FANCC: variants seen among roughly 807,000 people sequenced by gnomAD.
The protein encoded by FANCC is FA complementation group C.
A neutral mutation model predicts 71.3 loss-of-function variants in FANCC; 55 were observed. The ratio of observed to expected loss-of-function variants is 0.77; its 90% CI spans 0.62 to 0.97. FANCC has a LOEUF of 0.97. Among genes scored for constraint, FANCC ranks in the 50% least tolerant of loss-of-function variants. The probability of loss-of-function intolerance (pLI) is 0.00; values close to 1 mark genes in which losing one functional copy is unlikely to be tolerated. For synonymous variants in FANCC, 275 were observed against 244.9 expected (o/e 1.12, Z -1.15); for missense variants, 678 against 670.9 (o/e 1.01, Z -0.12).
In FANCC at chr9:95,103,267, G is replaced by A. The variant is rs12683692; in HGVS notation, c.1534-1417C>T. On this transcript the variant is annotated intron_variant, in intron 14 of 14. Coordinates refer to ENST00000289081, the MANE Select transcript of FANCC (RefSeq NM_000136.3). ...CTTACACACCAACACTCCTGGGTGG[G>A]CCCCTTCCCAGCTCTCTAGTCACAT... Among the ~76,000 whole-genome samples, 547 of 152,172 alleles carry A rather than the reference G, an allele frequency of 3.6e-3. 14 individuals carry two copies. The East Asian group carries it at 0.05, about 14-fold the overall frequency.
intron 4 of FANCC, among the ~76,000 whole-genome samples, chr9:95,234,345 T>C (rs925903269): frequency 2.0e-5 from 3 of 152,370 alleles, no homozygotes; most frequent in African/African-American, 2.4e-5. Context: ...AATTTGCTAA[T>C]AGTAAACAAA....
At chr9:95,234,402 T>C (rs1830180035) in intron 4 of FANCC, among the ~76,000 whole-genome samples, 1 of 152,210 alleles carries the variant, frequency 6.6e-6, no homozygotes, top group South Asian at 2.1e-4. Flanking sequence ...CCATTGAGAT[T>C]CTCACCAAAC....
At chr9:95,302,379 GT>G (rs1834802281) in intron 1 of FANCC, among the ~76,000 whole-genome samples, 1 of 152,166 alleles carries the variant, frequency 6.6e-6, no homozygotes, top group Non-Finnish European at 1.5e-5. Flanking sequence ...AAATTTCTGA[GT>G]GCCAACCTCG....
chr9:95,278,013 A>T (rs1833149651), intron 1 of FANCC, among the ~76,000 whole-genome samples: 1 of 152,228 alleles, frequency 6.6e-6, no homozygotes, highest in Non-Finnish European at 1.5e-5. Context: ...CTGACATAAA[A>T]ATGAATTGCA....
At chr9:95,315,179 C>A (rs899812176) in intron 1 of FANCC, among the ~76,000 whole-genome samples, 4 of 152,276 alleles carry the variant, frequency 2.6e-5, no homozygotes, top group African/African-American at 9.6e-5. Flanking sequence ...GAGGTAAAAC[C>A]ATTGCCTGCT....
chr9:95,213,439 C>A (rs1273729410), intron 4 of FANCC, among the ~76,000 whole-genome samples: 1 of 152,024 alleles, frequency 6.6e-6, no homozygotes, highest in Non-Finnish European at 1.5e-5. Flanking sequence ...ACAGTGTGGT[C>A]CAGGCAGAAA....
intron 1 of FANCC, among the ~76,000 whole-genome samples, chr9:95,313,258 G>A (rs1175063864): frequency 6.6e-6 from 1 of 152,222 alleles, no homozygotes; most frequent in African/African-American, 2.4e-5. Context: ...CACCAAGAGT[G>A]AGCGCTAGAA....
intron 7 of FANCC, among the ~76,000 whole-genome samples, chr9:95,140,160 G>A (rs753029504): frequency 4.0e-4 from 61 of 152,200 alleles, no homozygotes; most frequent in Non-Finnish European, 6.2e-4. Flanking sequence ...GAATTTATGT[G>A]TAATACATTA....
chr9:95,267,190 G>A (rs1453187610), intron 1 of FANCC, among the ~76,000 whole-genome samples: 2 of 152,164 alleles, frequency 1.3e-5, no homozygotes, highest in East Asian at 3.9e-4. Context: ...ACGACAGAGT[G>A]AGAAACTAGC....
rs863224323 is a variant in FANCC, at chr9:95,107,057, G to A, written c.1533+9C>T. 1 of 1,614,092 alleles carries A rather than the reference G, an allele frequency of 6.2e-7. No individual in the cohort carries two copies. Among genetic ancestry groups the A allele is most frequent in the East Asian group, 2.2e-5 (1 of 44,886 alleles). On this transcript the variant is annotated intron_variant, in intron 14 of 14. Transcript: ENST00000289081. Reference sequence around the variant, plus strand: ...GAGTACTAGGATGCTGGACCACAGGGAGACTTACCAGGGTGATGACATCCC... The same window carrying A: ...GAGTACTAGGATGCTGGACCACAGGAAGACTTACCAGGGTGATGACATCCC...
intron 1 of FANCC, among the ~76,000 whole-genome samples, chr9:95,305,286 C>G (rs1835007914): frequency 6.6e-6 from 1 of 152,146 alleles, no homozygotes; most frequent in Non-Finnish European, 1.5e-5. Flanking sequence ...TGGCAAACAT[C>G]ATAGAAGACT....
intron 4 of FANCC, among the ~76,000 whole-genome samples, chr9:95,198,263 T>TG (rs1827580796): frequency 6.6e-6 from 1 of 152,192 alleles, no homozygotes; most frequent in Non-Finnish European, 1.5e-5. Context: ...CAAAATCCAC[T>TG]AATCTGCTAT....
intron 1 of FANCC, among the ~76,000 whole-genome samples, chr9:95,265,589 C>T (rs1364420020): frequency 6.6e-6 from 1 of 152,180 alleles, no homozygotes; most frequent in African/African-American, 2.4e-5. Context: ...GTCCTCACTT[C>T]ACTTACCTGA....
At chr9:95,150,574 C>A (rs1830120832) in intron 6 of FANCC, among the ~76,000 whole-genome samples, 1 of 152,210 alleles carries the variant, frequency 6.6e-6, no homozygotes, top group Admixed American at 6.5e-5. Flanking sequence ...CTCTGGATTT[C>A]TTGTTTCTGC....
chr9:95,138,460 A>G (rs1269067806), intron 7 of FANCC, among the ~76,000 whole-genome samples: 1 of 152,220 alleles, frequency 6.6e-6, no homozygotes, highest in Non-Finnish European at 1.5e-5. Context: ...CTGGGTGTGG[A>G]GAGGGTGCTC....
At chr9:95,164,744 T>G (rs1014455590) in intron 6 of FANCC, among the ~76,000 whole-genome samples, 1 of 152,210 alleles carries the variant, frequency 6.6e-6, no homozygotes, top group Non-Finnish European at 1.5e-5. Flanking sequence ...GATATTAATC[T>G]GTTTTCATGT....
intron 10 of FANCC, among the ~76,000 whole-genome samples, chr9:95,124,195 C>G (rs1280157115): frequency 6.6e-6 from 1 of 150,574 alleles, no homozygotes; most frequent in African/African-American, 2.4e-5. Flanking sequence ...TCTGGTGGAG[C>G]CAAGCATTGT....
intron 10 of FANCC, among the ~76,000 whole-genome samples, chr9:95,122,055 T>C (rs2072929818): frequency 6.6e-6 from 1 of 151,944 alleles, no homozygotes. Context: ...AGACAGGGTT[T>C]CACCGTGTTA....
intron 8 of FANCC, among the ~76,000 whole-genome samples, chr9:95,134,267 A>C (rs1261295942): frequency 6.6e-6 from 1 of 152,204 alleles, no homozygotes; most frequent in African/African-American, 2.4e-5. Context: ...AGAAAGAGAA[A>C]GAAAGAACAC....
Sources: gnomAD v4.1 joint callset for allele counts (sites outside exome capture counted in the v4.1 genomes callset) on GRCh38, gnomAD v4.1.1 for gene constraint, MANE v1.5 for transcripts, NCBI Gene and HGNC (gene_info 2026-07-23, HGNC 2026-07-21) for gene names.